Variants in DNHD1 observed in about 807,000 individuals in gnomAD.
DNHD1 encodes the protein dynein heavy chain domain-containing protein 1.
A neutral mutation model predicts 458.1 loss-of-function variants in DNHD1; 383 were observed. The ratio of observed to expected loss-of-function variants is 0.84; its 90% CI spans 0.77 to 0.91. The LOEUF is 0.91. Among genes scored for constraint, DNHD1 ranks in the 40% least tolerant of loss-of-function variants. DNHD1 has a pLI of 0.00. For missense variants in DNHD1, 5,336 were observed against 5,866.1 expected (o/e 0.91, Z 2.95); for synonymous variants, 2,203 against 2,376.9 (o/e 0.93, Z 2.13).
Position 6,498,026 on chromosome 11 carries a change from C to T in DNHD1, c.-190C>T, listed in dbSNP as rs1376915942. 4.1e-6 allele frequency: 3 copies of T among 737,962 alleles called. No homozygotes were observed. The highest frequency in any genetic ancestry group is 5.0e-5 in the East Asian group (2 of 39,898). 45.7% of individuals were successfully genotyped at this position (737,962 alleles called of 1,614,324 possible). On this transcript the variant is annotated 5_prime_UTR_variant, in exon 3 of 43. Transcript: ENST00000254579. ...TGTAGCTCCATCTATTTCCCTGTCC[C>T]AGGTCCTTTCTTCCTCCTAACCCCA...
Position 6,568,126 on chromosome 11 carries a change from C to G in DNHD1, c.12422C>G (p.Thr4141Ser). The G allele has an allele frequency of 6.4e-7, 1 of 1,565,746 alleles. No homozygotes were observed. Residue 4141 changes from threonine (T) to serine (S), a missense_variant, in exon 37 of 43, where the codon ACT becomes AGT. By Grantham distance (58) the Thr-to-Ser change is moderately conservative. Around this residue, in one of 4 missense-constraint regions of DNHD1, gnomAD observed 695 missense variants for 804.2 expected, o/e 0.86. Coordinates refer to ENST00000254579, the MANE Select transcript of DNHD1 (RefSeq NM_144666.3). ...AWDPVSVVVS[T>S]LSQAMYEGHW... ...GACCCAGTCTCAGTTGTGGTCAGCA[C>G]TCTATCCCAGGCTATGTATGAGGGG...
intron 3 of DNHD1, among the ~76,000 whole-genome samples, chr11:6,499,770 G>A (rs1852098865): frequency 6.6e-6 from 1 of 152,056 alleles, no homozygotes; most frequent in Non-Finnish European, 1.5e-5. Context: ...GTTTCACTAT[G>A]TTGGCCAGGC....
chr11:6,536,468 G>GA (rs1214505338), intron 14 of DNHD1, among the ~76,000 whole-genome samples: 4 of 151,258 alleles, frequency 2.6e-5, no homozygotes, highest in East Asian at 1.9e-4. Context: ...AAATAGTTCA[G>GA]AAAAAAAAAT....
At position 6,547,667 on chromosome 11, in the gene DNHD1, G is replaced by A. The variant is rs1047868243; in HGVS notation, c.6727+1G>A. On this transcript the variant is annotated splice_donor_variant, in intron 21 of 42. Transcript: ENST00000254579. LOFTEE classifies it high-confidence loss of function. ...AAGGAGGAGAAGGCCCCTGGCCCAG[G>A]TGGGAAGATGGACGGGCTGGTTTGA... The A allele has an allele frequency of 2.6e-6, 4 of 1,517,308 alleles. No homozygotes were observed. The highest frequency in any genetic ancestry group is 3.6e-6 in the Non-Finnish European group (4 of 1,126,358). 94.0% of individuals were successfully genotyped at this position (1,517,308 alleles called of 1,614,324 possible).
At position 6,534,185 on chromosome 11, in the gene DNHD1, C is replaced by G. The variant is rs879767850; in HGVS notation, c.2998+12C>G. 1 of 1,549,102 alleles carries G rather than the reference C, an allele frequency of 6.5e-7. No homozygotes were observed. ...TGCCATCTTCACTGGTACTGAGGAT[C>G]CCTGCACCCTCCATTATCACTCTGT... On this transcript the variant is annotated intron_variant, in intron 14 of 42. Transcript: ENST00000254579.
rs145563977 is a variant in DNHD1, at chr11:6,571,850, T to C, written c.14126T>C (p.Val4709Ala). The C allele has an allele frequency of 6.2e-7, 1 of 1,614,008 alleles. No homozygotes were observed. Among genetic ancestry groups the C allele is most frequent in the East Asian group, 2.2e-5 (1 of 44,878 alleles). ...GACCTGACTGTGTACTCGTGTCCTG[T>C]GTACATGGGAGGGCCCCTTGGCACC... ...PADLTVYSCP[V>A]YMGGPLGTAK... The change falls in exon 43 of 43, where the codon GTG becomes GCG. Residue 4709 changes from valine (V) to alanine (A), a missense_variant. Val to Ala is a moderately conservative substitution (Grantham distance 64, BLOSUM62 0). Transcript: ENST00000254579. This position sits in a 1 kb window ranked among gnomAD's most constrained non-coding sequence, Gnocchi z 5.0.
chr11:6,558,464 T>C (rs1853516846), intron 25 of DNHD1, 21 bp from the exon 26 acceptor site: 1 of 1,551,126 alleles, frequency 6.4e-7, no homozygotes, highest in Non-Finnish European at 8.7e-7. Context: ...GGGAGGACAT[T>C]AGCTGAGCCC....
In DNHD1 at chr11:6,545,500, G is replaced by T. The variant is rs1321121607; in HGVS notation, c.4561G>T (p.Ala1521Ser). ...GGTGGCAGAGGAGGTGGTATGGCGG[G>T]CCGAGATGGAGGAGGCTCTGCTTGA... ...VLVAEEVVWR[A>S]EMEEALLEWG... Residue 1521 changes from alanine (A) to serine (S), a missense_variant, in exon 21 of 43, where the codon GCC (alanine) becomes TCC (serine). Coordinates refer to ENST00000254579, the MANE Select transcript of DNHD1 (RefSeq NM_144666.3). The surrounding 1 kb of genome is among the most constrained non-coding windows in gnomAD (Gnocchi z 4.9). The T allele has an allele frequency of 2.1e-5, 32 of 1,551,584 alleles. No homozygotes were observed. The Admixed American group carries it at 2.2e-4, about 10-fold the overall frequency.
chr11:6,516,540 C>T (rs534850486), intron 7 of DNHD1, among the ~76,000 whole-genome samples: 5 of 152,060 alleles, frequency 3.3e-5, no homozygotes, highest in African/African-American at 9.6e-5. Context: ...TCACGTGATC[C>T]GCCCACCTCA....
chr11:6,533,226 C>T, intron 13 of DNHD1, 42 bp downstream of exon 13: 1 of 1,538,584 alleles, frequency 6.5e-7, no homozygotes, highest in Non-Finnish European at 8.8e-7. Flanking sequence ...ATTCAGGGCC[C>T]ATCCTGCTCA....
rs1409344211 is a variant in DNHD1 at position 6,497,633 on chromosome 11, G to A, written c.-480G>A. ...TTCCTTGCTGTGACCGAGGTTCAGAGTGAGCTCTGTCGGTGTGTCAGTTTG... is the reference window on the plus strand; with the variant it reads ...TTCCTTGCTGTGACCGAGGTTCAGAATGAGCTCTGTCGGTGTGTCAGTTTG... On this transcript the variant is annotated 5_prime_UTR_variant, in exon 2 of 43. In the 5' UTR this introduces an upstream ATG that the reference lacks. Transcript: ENST00000254579. 1.3e-5 allele frequency: 2 copies of A among 153,484 alleles called. No individual in the cohort carries two copies. Among genetic ancestry groups the A allele is most frequent in the African/African-American group, 4.8e-5 (2 of 41,460 alleles). 9.5% of individuals were successfully genotyped at this position (153,484 alleles called of 1,614,324 possible). A position where few individuals can be genotyped will look rare whatever the true frequency, so the allele number is the denominator to read the frequency against.
rs184780665 is a variant in DNHD1, at chr11:6,547,272, C to T, written c.6333C>T (p.Pro2111=). ...LLSELPQLSL[P]SGQQIARPPG... ...GTGAGCTTCCCCAGCTTAGTCTCCC[C>T]AGTGGACAGCAGATAGCACGACCCC... The change falls in exon 21 of 43, where the codon CCC becomes CCT. Residue 2111 remains proline, a synonymous_variant. Coordinates refer to ENST00000254579, the MANE Select transcript of DNHD1 (RefSeq NM_144666.3). 9.0e-5 allele frequency: 140 copies of T among 1,551,790 alleles called. No individual in the cohort carries two copies. Among genetic ancestry groups the T allele is most frequent in the Admixed American group, 2.2e-4 (11 of 51,004 alleles).
intron 24 of DNHD1, among the ~76,000 whole-genome samples, chr11:6,553,488 C>T (rs12364548): frequency 6.6e-6 from 1 of 151,960 alleles, no homozygotes; most frequent in African/African-American, 2.4e-5. Flanking sequence ...GAGACCACAT[C>T]GACGCAATTA....
Position 6,547,742 on chromosome 11 carries a change from C to T in DNHD1, c.6727+76C>T, listed in dbSNP as rs141898416. 7,359 of 1,475,980 alleles carry T rather than the reference C, an allele frequency of 5.0e-3. 24 individuals carry two copies. Among genetic ancestry groups the T allele is most frequent in the African/African-American group, 7.3e-3 (516 of 71,014 alleles). The allele number at this position is 1,475,980 out of a possible 1,614,324, so 91.4% of individuals were successfully genotyped here. ...TGGGGTATATAGCTGGAGCCTGGGG[C>T]GTGTGTTCTTTGGTGGATCTGGGCC... On this transcript the variant is annotated intron_variant, in intron 21 of 42. Transcript: ENST00000254579.
At position 6,566,284 on chromosome 11, in the gene DNHD1, C is replaced by G; in HGVS notation, c.11097C>G (p.Cys3699Trp). Residue 3699 changes from cysteine to tryptophan, a missense_variant, in exon 34 of 43, where the codon TGC (cysteine) becomes TGG (tryptophan). Transcript: ENST00000254579. The stretch of plus-strand genomic sequence containing the variant: ...CCAATGTGGAGCTGGGTCTAGGGTG[C>G]GAAGAACTGCAATGGCTGCTGCAAC... ...LLTNVELGLGCEELQWLLQRE... is the reference protein window; with the variant it reads ...LLTNVELGLGWEELQWLLQRE... The G allele has an allele frequency of 3.9e-6, 6 of 1,551,756 alleles. No homozygotes were observed. Among genetic ancestry groups the G allele is most frequent in the Non-Finnish European group, 5.2e-6 (6 of 1,147,046 alleles).
chr11:6,524,510 A>T (rs1465538371), intron 10 of DNHD1, among the ~76,000 whole-genome samples: 1 of 152,170 alleles, frequency 6.6e-6, no homozygotes, highest in Non-Finnish European at 1.5e-5. Context: ...TTGACTTTAT[A>T]TGATATTTGA....
chr11:6,554,649 T>G (rs956928871), intron 24 of DNHD1, among the ~76,000 whole-genome samples: 2 of 152,182 alleles, frequency 1.3e-5, no homozygotes, highest in East Asian at 3.8e-4. Context: ...TCACAAAAGA[T>G]GTATGAGTGG....
chr11:6,528,842 G>C, intron 11 of DNHD1, 36 bp from the exon 12 acceptor site: 3 of 1,550,166 alleles, frequency 1.9e-6, no homozygotes, highest in African/African-American at 2.7e-5. Context: ...CATTATAGCC[G>C]CATGCCTCTG....
intron 24 of DNHD1, among the ~76,000 whole-genome samples, chr11:6,549,360 C>G (rs192459279): frequency 3.9e-5 from 6 of 152,330 alleles, no homozygotes; most frequent in Admixed American, 2.0e-4. Context: ...ATCCAGTCAC[C>G]ATGTCTTTTC....
Sources: gnomAD v4.1 joint callset for allele counts (sites outside exome capture counted in the v4.1 genomes callset) on GRCh38, gnomAD v4.1.1 for gene constraint, gnomAD v4.1.1 regional missense constraint, Gnocchi (gnomAD v3.1) non-coding constraint, MANE v1.5 for transcripts, NCBI Gene and HGNC (gene_info 2026-07-23, HGNC 2026-07-21) for gene names.